OPCML: variants seen among roughly 807,000 people sequenced by gnomAD.
OPCML encodes the protein opioid binding protein/cell adhesion molecule like.
OPCML carries 13 observed loss-of-function variants against 37.8 expected under a neutral mutation model. The ratio of observed to expected loss-of-function variants is 0.34; its 90% CI spans 0.22 to 0.55. OPCML has a LOEUF of 0.55. Ranked by LOEUF, OPCML falls within the 20% of genes least tolerant of loss-of-function variation. The pLI, the probability that OPCML is intolerant of heterozygous loss-of-function variation, is 0.91. For missense variants in OPCML, 341 were observed against 435.6 expected, an observed-to-expected ratio of 0.78 and a Z score of 1.93; for synonymous variants, 176 against 168.8, an observed-to-expected ratio of 1.04 and a Z score of -0.33.
intron 2 of OPCML, among the ~76,000 whole-genome samples, chr11:132,802,362 C>T (rs1591630895): frequency 1.3e-5 from 2 of 152,180 alleles, no homozygotes; most frequent in East Asian, 3.9e-4. Flanking sequence ...CCTGAACAGA[C>T]TTGGTTACTC....
In OPCML at chr11:132,929,360, T is replaced by C. The variant is rs77640999; in HGVS notation, c.146+13566A>G. Among the ~76,000 whole-genome samples, 23 of 152,202 alleles carry C rather than the reference T, an allele frequency of 1.5e-4. No individual in the cohort carries two copies. The East Asian group carries it at 4.1e-3, about 27-fold the overall frequency. ...TTAACCTAGATAAAATGGCCAAATT[T>C]CTAGAAAGACAGAGTCTGTCAAGAC... On this transcript the variant is annotated intron_variant, in intron 2 of 7. Coordinates refer to ENST00000524381, the MANE Select transcript of OPCML (RefSeq NM_001012393.5).
At chr11:133,343,623 A>G (rs1358701268) in intron 1 of OPCML, among the ~76,000 whole-genome samples, 1 of 152,182 alleles carries the variant, frequency 6.6e-6, no homozygotes, top group African/African-American at 2.4e-5. Context: ...CTTCAACACA[A>G]TGAGCATTAG....
intron 1 of OPCML, among the ~76,000 whole-genome samples, chr11:133,394,434 T>G (rs943417066): frequency 9.2e-5 from 14 of 152,220 alleles, no homozygotes; most frequent in African/African-American, 3.4e-4. Context: ...TTTGGTTATT[T>G]GAAAATGTAT....
chr11:132,803,233 T>C (rs986132003), intron 2 of OPCML, among the ~76,000 whole-genome samples: 1 of 152,182 alleles, frequency 6.6e-6, no homozygotes, highest in African/African-American at 2.4e-5. Flanking sequence ...ATACTACTAT[T>C]AAATTACCCT....
At chr11:133,486,816 C>A (rs994178324) in intron 1 of OPCML, among the ~76,000 whole-genome samples, 3 of 151,090 alleles carry the variant, frequency 2.0e-5, no homozygotes, top group Non-Finnish European at 4.4e-5. Context: ...TGCTCTCTCT[C>A]TCTCTCTATC....
At chr11:132,442,873 A>G (rs1280174704) in intron 4 of OPCML, among the ~76,000 whole-genome samples, 1 of 152,164 alleles carries the variant, frequency 6.6e-6, no homozygotes, top group Non-Finnish European at 1.5e-5. Flanking sequence ...TCTTTGCTTT[A>G]TAAATTCCCC....
intron 1 of OPCML, among the ~76,000 whole-genome samples, chr11:132,972,962 G>A (rs1730361561): frequency 6.6e-6 from 1 of 152,200 alleles, no homozygotes; most frequent in Non-Finnish European, 1.5e-5. Context: ...GGAAGCCTGA[G>A]TGTACACAGG....
chr11:132,490,125 A>G (rs2096211286), intron 4 of OPCML, among the ~76,000 whole-genome samples: 1 of 151,904 alleles, frequency 6.6e-6, no homozygotes, highest in Admixed American at 6.6e-5. Flanking sequence ...AGTCTTTGCT[A>G]TTGTGAACAT....
chr11:132,999,353 G>A lies in OPCML; in HGVS notation c.62-56343C>T, dbSNP rs545173446. Among the ~76,000 whole-genome samples, 327 of 152,140 alleles carry A rather than the reference G, an allele frequency of 2.1e-3. 1 individual carries two copies. The highest frequency in any genetic ancestry group is 3.8e-3 in the Non-Finnish European group (260 of 67,998). On this transcript the variant is annotated intron_variant, in intron 1 of 7. Transcript: ENST00000524381. ...TAAAGCACACACAGACTCGGTTTGG[G>A]GATAGTTAATTTCCAATTCTTTCCA...
intron 1 of OPCML, among the ~76,000 whole-genome samples, chr11:133,213,155 C>A (rs1225796230): frequency 6.6e-6 from 1 of 151,888 alleles, no homozygotes; most frequent in African/African-American, 2.4e-5. Context: ...AACCCACACA[C>A]CCTGATGAGT....
At chr11:133,295,235 G>T (rs963131187) in intron 1 of OPCML, among the ~76,000 whole-genome samples, 2 of 152,184 alleles carry the variant, frequency 1.3e-5, no homozygotes, top group African/African-American at 2.4e-5. Context: ...TAGGTTTAAA[G>T]ATTTCTTCAT....
chr11:133,283,639 T>C (rs1942221503), intron 1 of OPCML, among the ~76,000 whole-genome samples: 3 of 152,156 alleles, frequency 2.0e-5, no homozygotes. Context: ...TTCTAACTGT[T>C]CTTGGGGCCA....
chr11:132,987,275 C>A (rs765097078), intron 1 of OPCML, among the ~76,000 whole-genome samples: 103 of 152,082 alleles, frequency 6.8e-4, no homozygotes, highest in Non-Finnish European at 1.1e-3. Context: ...AGAGAAGCAC[C>A]GGGGAAAGAA....
chr11:133,147,229 T>C (rs1949910303), intron 1 of OPCML, among the ~76,000 whole-genome samples: 1 of 151,994 alleles, frequency 6.6e-6, no homozygotes, highest in East Asian at 1.9e-4. Flanking sequence ...CTGCAGCATC[T>C]CTCACCAACA....
At chr11:132,663,866 T>C (rs1034141121) in intron 2 of OPCML, among the ~76,000 whole-genome samples, 4 of 152,210 alleles carry the variant, frequency 2.6e-5, no homozygotes, top group African/African-American at 9.6e-5. Flanking sequence ...GGAGTCTCAC[T>C]CTGTCGCCCA....
At chr11:132,952,228 C>T (rs181955955) in intron 1 of OPCML, among the ~76,000 whole-genome samples, 168 of 152,196 alleles carry the variant, frequency 1.1e-3, no homozygotes, top group African/African-American at 4.0e-3. Flanking sequence ...CTCTGGGGCC[C>T]TCTGGTCATG....
chr11:132,535,958 A>AT (rs200499260), intron 3 of OPCML, among the ~76,000 whole-genome samples: 6 of 151,826 alleles, frequency 4.0e-5, no homozygotes, highest in South Asian at 2.1e-4. Flanking sequence ...CTCTCTGGGA[A>AT]TTTTTTTTTA....
chr11:132,924,243 T>A (rs1944915018), intron 2 of OPCML, among the ~76,000 whole-genome samples: 2 of 152,086 alleles, frequency 1.3e-5, no homozygotes, highest in Non-Finnish European at 2.9e-5. Flanking sequence ...GCTTGGGGGA[T>A]GGAGGATGGA....
At position 132,752,538 on chromosome 11, in the gene OPCML, C is replaced by G. The variant is rs542473568; in HGVS notation, c.147-95219G>C. Among the ~76,000 whole-genome samples the G allele has an allele frequency of 1.1e-4, 16 of 152,206 alleles. No homozygotes were observed. The South Asian group carries it at 2.9e-3, about 28-fold the overall frequency. On this transcript the variant is annotated intron_variant, in intron 2 of 7. Transcript: ENST00000524381. ...CATAGAACTGAATCATAAGGAAAAT[C>G]CCCCACTAAAATCCAGAGAAAATAA...
Sources: gnomAD v4.1 joint callset for allele counts (sites outside exome capture counted in the v4.1 genomes callset) on GRCh38, gnomAD v4.1.1 for gene constraint, MANE v1.5 for transcripts, NCBI Gene and HGNC (gene_info 2026-07-23, HGNC 2026-07-21) for gene names.